The following SH3GL2 variants were observed in gnomAD, a reference collection of about 807,000 sequenced individuals.
The protein encoded by SH3GL2 is SH3 domain containing GRB2 like 2, endophilin A1, also known as endophilin-A1.
SH3GL2 carries 24 observed loss-of-function variants against 46.0 expected under a neutral mutation model. That is an observed-to-expected ratio of 0.52 (90% CI 0.38 to 0.73). The LOEUF (loss-of-function observed/expected upper bound fraction) is 0.73. SH3GL2 is among the 30% of genes least tolerant of loss of function. The pLI, the probability that SH3GL2 is intolerant of heterozygous loss-of-function variation, is 0.00. For synonymous variants in SH3GL2, 196 were observed against 147.1 expected (o/e 1.33, Z -2.40); for missense variants, 413 against 424.2 (o/e 0.97, Z 0.23).
intron 1 of SH3GL2, among the ~76,000 whole-genome samples, chr9:17,644,672 A>G (rs965226836): frequency 6.6e-6 from 1 of 152,196 alleles, no homozygotes; most frequent in Non-Finnish European, 1.5e-5. Flanking sequence ...ATTTGATTAC[A>G]CTGTGGCTTG....
At chr9:17,736,249 T>G (rs1034342273) in intron 1 of SH3GL2, among the ~76,000 whole-genome samples, 2 of 152,156 alleles carry the variant, frequency 1.3e-5, no homozygotes, top group African/African-American at 4.8e-5. Flanking sequence ...CTTTTTAAAT[T>G]TTTTGATTTA....
At chr9:17,773,294 C>T (rs940011048) in intron 3 of SH3GL2, among the ~76,000 whole-genome samples, 10 of 152,106 alleles carry the variant, frequency 6.6e-5, no homozygotes, top group Non-Finnish European at 1.3e-4. Flanking sequence ...TCTTTTGATG[C>T]ACACAATTTC....
intron 1 of SH3GL2, among the ~76,000 whole-genome samples, chr9:17,622,979 T>TCCTTC (rs879740428): frequency 0.06 from 4,483 of 75,010 alleles, 223 homozygotes; most frequent in South Asian, 0.081. Context: ...TCCTTTCGTT[T>TCCTTC]CCTTTCGTTT....
intron 1 of SH3GL2, among the ~76,000 whole-genome samples, chr9:17,716,865 C>G (rs565594534): frequency 6.6e-6 from 1 of 152,110 alleles, no homozygotes; most frequent in Non-Finnish European, 1.5e-5. Flanking sequence ...TGTTTCCTCT[C>G]AGTCAGGGAT....
intron 1 of SH3GL2, among the ~76,000 whole-genome samples, chr9:17,609,790 G>A (rs1376696610): frequency 6.6e-6 from 1 of 152,186 alleles, no homozygotes; most frequent in Non-Finnish European, 1.5e-5. Context: ...CTTGAGAAGG[G>A]CATGTGCTAC....
At chr9:17,689,765 T>C (rs2118118509) in intron 1 of SH3GL2, among the ~76,000 whole-genome samples, 1 of 152,296 alleles carries the variant, frequency 6.6e-6, no homozygotes, top group East Asian at 1.9e-4. Flanking sequence ...AAGCCTCTTC[T>C]GACCTTCCTG....
At chr9:17,593,212 A>G in intron 1 of SH3GL2, among the ~76,000 whole-genome samples, 1 of 152,204 alleles carries the variant, frequency 6.6e-6, no homozygotes, top group East Asian at 1.9e-4. Flanking sequence ...GCTCTGGCAA[A>G]TTAGTTGAAT....
intron 6 of SH3GL2, 107 bp from the exon 7 acceptor site, chr9:17,791,124 C>G: frequency 1.3e-6 from 1 of 750,164 alleles, no homozygotes; most frequent in Non-Finnish European, 2.4e-6. Context: ...CACCACCAAC[C>G]AGGGGCTGTG....
At chr9:17,645,271 C>T (rs1819786803) in intron 1 of SH3GL2, among the ~76,000 whole-genome samples, 1 of 146,358 alleles carries the variant, frequency 6.8e-6, no homozygotes, top group Non-Finnish European at 1.5e-5. Flanking sequence ...CTGAATACAA[C>T]ACACTGATGG....
At chr9:17,623,418 C>A (rs111860829) in intron 1 of SH3GL2, among the ~76,000 whole-genome samples, 115 of 151,930 alleles carry the variant, frequency 7.6e-4, no homozygotes, top group African/African-American at 2.7e-3. Flanking sequence ...AGTGTGTAGA[C>A]TGAGAACAAA....
At chr9:17,663,742 C>T (rs1820278676) in intron 1 of SH3GL2, among the ~76,000 whole-genome samples, 1 of 152,110 alleles carries the variant, frequency 6.6e-6, no homozygotes, top group Admixed American at 6.5e-5. Flanking sequence ...TTAACAGATC[C>T]ACAATTAAAG....
chr9:17,657,308 G>T (rs961257142), intron 1 of SH3GL2, among the ~76,000 whole-genome samples: 2 of 152,138 alleles, frequency 1.3e-5, no homozygotes, highest in Non-Finnish European at 2.9e-5. Flanking sequence ...TGTCATAGAT[G>T]TACATGCACA....
chr9:17,737,182 C>G (rs7869427), intron 1 of SH3GL2, among the ~76,000 whole-genome samples: 1 of 151,638 alleles, frequency 6.6e-6, no homozygotes, highest in Non-Finnish European at 1.5e-5. Flanking sequence ...GAGGGGAACA[C>G]CACACACTGG....
At chr9:17,744,577 G>A (rs904275134) in intron 1 of SH3GL2, among the ~76,000 whole-genome samples, 1 of 152,032 alleles carries the variant, frequency 6.6e-6, no homozygotes. Context: ...ACGTTGCCCA[G>A]GCTGGTCTCG....
At chr9:17,634,366 A>G (rs1192418878) in intron 1 of SH3GL2, among the ~76,000 whole-genome samples, 1 of 152,040 alleles carries the variant, frequency 6.6e-6, no homozygotes, top group Non-Finnish European at 1.5e-5. Context: ...GAGACTAGAA[A>G]TAACCCAAAC....
intron 1 of SH3GL2, among the ~76,000 whole-genome samples, chr9:17,632,561 T>C (rs894905618): frequency 6.6e-6 from 1 of 152,204 alleles, no homozygotes; most frequent in Non-Finnish European, 1.5e-5. Context: ...GATGATGTTA[T>C]AGGGAACATA....
At chr9:17,624,522 A>G (rs147004521) in intron 1 of SH3GL2, among the ~76,000 whole-genome samples, 1 of 69,954 alleles carries the variant, frequency 1.4e-5, no homozygotes, top group Non-Finnish European at 3.8e-5. Flanking sequence ...GTCTCATATA[A>G]TTTTATTTAT....
chr9:17,580,217 T>C (rs990260747), intron 1 of SH3GL2, among the ~76,000 whole-genome samples: 3 of 152,212 alleles, frequency 2.0e-5, no homozygotes, highest in African/African-American at 7.2e-5. Context: ...TTCAAATTTA[T>C]GGGATCTTTA....
chr9:17,745,332 CTG>C (rs1822650959), intron 1 of SH3GL2, among the ~76,000 whole-genome samples: 1 of 152,118 alleles, frequency 6.6e-6, no homozygotes, highest in African/African-American at 2.4e-5. Context: ...ATGGGAGAAA[CTG>C]TGGTATGGTA....
Sources: allele counts gnomAD v4.1 joint callset (sites outside exome capture counted in the v4.1 genomes callset), GRCh38; gene constraint gnomAD v4.1.1; transcripts MANE v1.5; gene names NCBI Gene and HGNC (gene_info 2026-07-23, HGNC 2026-07-21).